TOGARAM2: variants seen among roughly 807,000 people sequenced by gnomAD.
The protein encoded by TOGARAM2 is TOG array regulator of axonemal microtubules protein 2.
TOGARAM2 carries 85 observed loss-of-function variants against 93.3 expected under a neutral mutation model. The observed-to-expected ratio is 0.91, with a 90% CI of 0.76 to 1.09. TOGARAM2 has a LOEUF of 1.09. Ranked by LOEUF, TOGARAM2 falls within the 50% of genes least tolerant of loss-of-function variation. TOGARAM2 has a pLI of 0.00. For synonymous variants in TOGARAM2, 593 were observed against 552.8 expected (o/e 1.07, Z -1.02); for missense variants, 1,277 against 1,334.5 (o/e 0.96, Z 0.67).
At chr2:29,026,685 G>T in intron 13 of TOGARAM2, among the ~76,000 whole-genome samples, 168 bp from the exon 14 acceptor site, 1 of 152,290 alleles carries the variant, frequency 6.6e-6, no homozygotes, top group East Asian at 1.9e-4. Context: ...CGTAGAAAGT[G>T]AGTGCTCTTT....
rs768728085 is a variant in TOGARAM2 at position 28,998,217 on chromosome 2, C to T, written c.103C>T (p.Pro35Ser). The T allele has an allele frequency of 1.2e-6, 2 of 1,612,266 alleles. No individual in the cohort carries two copies. Among genetic ancestry groups the T allele is most frequent in the South Asian group, 2.2e-5 (2 of 90,624 alleles). The stretch of plus-strand genomic sequence containing the variant: ...CAGTGCTGGGCCCCGGGTGCTCCCG[C>T]CTGGAAGCATCAACTCCAGTCTGCC... ...RTSAGPRVLP[P>S]GSINSSLPHG... Residue 35 changes from proline (P) to serine (S), a missense_variant, in exon 3 of 20, where the codon CCT (proline) becomes TCT (serine). Coordinates refer to ENST00000379558, the MANE Select transcript of TOGARAM2 (RefSeq NM_199280.4).
At chr2:29,033,965 T>G (rs1351888249) in intron 16 of TOGARAM2, among the ~76,000 whole-genome samples, 2 of 151,954 alleles carry the variant, frequency 1.3e-5, no homozygotes, top group Non-Finnish European at 2.9e-5. Flanking sequence ...TGAGAAGACA[T>G]GGACTGAGGG....
chr2:29,027,277 C>T lies in TOGARAM2; in HGVS notation c.2012+266C>T, dbSNP rs76538683. Among the ~76,000 whole-genome samples, 36 of 152,254 alleles carry T rather than the reference C, an allele frequency of 2.4e-4. 1 individual carries two copies. In the East Asian group the frequency reaches 4.4e-3, roughly 19 times the overall value. On this transcript the variant is annotated intron_variant, in intron 14 of 19. Coordinates refer to ENST00000379558, the MANE Select transcript of TOGARAM2 (RefSeq NM_199280.4). Reference sequence around the variant, plus strand: ...AGTGTTGCTCTTGTTTCTACCTCACCGCAGCACCATTCTCTGTAAGAACAT... The same window carrying T: ...AGTGTTGCTCTTGTTTCTACCTCACTGCAGCACCATTCTCTGTAAGAACAT...
intron 18 of TOGARAM2, 61 bp from the exon 19 acceptor site, chr2:29,045,263 C>A: frequency 2.1e-6 from 3 of 1,409,748 alleles, no homozygotes; most frequent in South Asian, 1.2e-5. Context: ...GCCCTGCAAA[C>A]CCCTAGTGCT....
intron 19 of TOGARAM2, chr2:29,048,390 C>G (rs1666870959): frequency 6.6e-6 from 1 of 152,132 alleles, no homozygotes; most frequent in Non-Finnish European, 1.5e-5. Flanking sequence ...CCACCTTAAC[C>G]ATTTTTAGTT....
chr2:28,978,989 A>AT (rs973206786), upstream of TOGARAM2, among the ~76,000 whole-genome samples: 1 of 152,156 alleles, frequency 6.6e-6, no homozygotes, highest in Non-Finnish European at 1.5e-5. Flanking sequence ...GTATGAAAAT[A>AT]TTTTTTTAGA....
At chr2:29,011,998 C>G (rs991371402) in intron 7 of TOGARAM2, among the ~76,000 whole-genome samples, 1 of 152,240 alleles carries the variant, frequency 6.6e-6, no homozygotes, top group African/African-American at 2.4e-5. Context: ...CCAGAGCCCA[C>G]AAACCTCAGC....
intron 1 of TOGARAM2, among the ~76,000 whole-genome samples, chr2:28,965,843 T>C (rs1043207258): frequency 1.3e-5 from 2 of 152,210 alleles, no homozygotes; most frequent in Non-Finnish European, 2.9e-5. Flanking sequence ...TGGTCTAGAA[T>C]GCCTGATTCC....
intron 14 of TOGARAM2, among the ~76,000 whole-genome samples, chr2:29,028,412 A>C (rs147863841): frequency 1.1e-4 from 17 of 152,258 alleles, no homozygotes; most frequent in Non-Finnish European, 2.2e-4. Context: ...GGTCAGATGC[A>C]TGTGTGTGCT....
chr2:28,982,195 T>C (rs1672229214), intron 1 of TOGARAM2, among the ~76,000 whole-genome samples: 2 of 152,190 alleles, frequency 1.3e-5, no homozygotes, highest in Admixed American at 1.3e-4. Flanking sequence ...TGGAAGTTAC[T>C]GTTTGTTGTT....
chr2:29,015,120 G>A (rs72788134), intron 8 of TOGARAM2, among the ~76,000 whole-genome samples: 25,511 of 152,142 alleles, frequency 0.17, 3,594 homozygotes, highest in African/African-American at 0.39. Context: ...CATTCTTTGA[G>A]ACAGAACATT....
chr2:28,987,837 C>T (rs1288871237), intron 1 of TOGARAM2, among the ~76,000 whole-genome samples: 2 of 152,234 alleles, frequency 1.3e-5, no homozygotes, highest in African/African-American at 2.4e-5. Context: ...TGGGGGGCTT[C>T]TCATCTGCGA....
At chr2:28,985,920 A>G (rs2148245645) in intron 1 of TOGARAM2, among the ~76,000 whole-genome samples, 1 of 152,272 alleles carries the variant, frequency 6.6e-6, no homozygotes, top group South Asian at 2.1e-4. Flanking sequence ...CCTGGCCAAC[A>G]TGGCAAAACC....
chr2:29,024,378 T>G lies in TOGARAM2; in HGVS notation c.1853+4T>G. The G allele has an allele frequency of 6.3e-7, 1 of 1,585,392 alleles. No homozygotes were observed. The highest frequency in any genetic ancestry group is 8.6e-7 in the Non-Finnish European group (1 of 1,164,770). On this transcript the variant is annotated splice_donor_region_variant and intron_variant, in intron 13 of 19. Coordinates refer to ENST00000379558, the MANE Select transcript of TOGARAM2 (RefSeq NM_199280.4). Reference sequence around the variant, plus strand: ...TCCTCACCTCGGCGGGTGTCTAGTATGTGGCTGCCTGTTGTCTGAGGGGCG... The same window carrying G: ...TCCTCACCTCGGCGGGTGTCTAGTAGGTGGCTGCCTGTTGTCTGAGGGGCG...
upstream of TOGARAM2, among the ~76,000 whole-genome samples, chr2:28,980,684 G>A (rs1263897744): frequency 1.3e-5 from 2 of 152,226 alleles, no homozygotes; most frequent in Non-Finnish European, 2.9e-5. Context: ...TTTTCCAAAA[G>A]TTAAGGTGGA....
intron 1 of TOGARAM2, among the ~76,000 whole-genome samples, chr2:28,961,875 C>T (rs979176808): frequency 6.6e-6 from 1 of 152,194 alleles, no homozygotes; most frequent in Non-Finnish European, 1.5e-5. Flanking sequence ...GCTTCAGCTT[C>T]ATATAAATAA....
chr2:28,992,672 T>C (rs557214606), intron 1 of TOGARAM2, among the ~76,000 whole-genome samples: 1 of 152,344 alleles, frequency 6.6e-6, no homozygotes, highest in African/African-American at 2.4e-5. Flanking sequence ...ATGACCATTC[T>C]GACAGCCTAG....
intron 9 of TOGARAM2, 50 bp from the exon 10 acceptor site, chr2:29,017,742 C>T: frequency 6.6e-7 from 1 of 1,505,376 alleles, no homozygotes; most frequent in Non-Finnish European, 8.9e-7. Context: ...GACATTGAGG[C>T]CAGGGGAAAA....
intron 1 of TOGARAM2, among the ~76,000 whole-genome samples, chr2:28,959,635 C>T (rs1292074588): frequency 6.6e-6 from 1 of 151,930 alleles, no homozygotes; most frequent in Non-Finnish European, 1.5e-5. Flanking sequence ...CGCCTGTAGT[C>T]CCAGCTACTC....
Sources: gnomAD v4.1 joint callset for allele counts (sites outside exome capture counted in the v4.1 genomes callset) on GRCh38, gnomAD v4.1.1 for gene constraint, MANE v1.5 for transcripts, NCBI Gene and HGNC (gene_info 2026-07-23, HGNC 2026-07-21) for gene names.